GPATCH2: variants seen among roughly 807,000 people sequenced by gnomAD.
The protein encoded by GPATCH2 is G-patch domain containing 2, also known as G patch domain-containing protein 2.
In GPATCH2, 51 loss-of-function variants were observed where a neutral mutation model predicts 58.0. The observed-to-expected ratio is 0.88, with a 90% CI of 0.70 to 1.11. GPATCH2 has a LOEUF of 1.11. Among genes scored for constraint, GPATCH2 ranks in the 50% most tolerant of loss-of-function variants. The pLI is 0.00. For synonymous variants in GPATCH2, 222 were observed against 218.5 expected, an observed-to-expected ratio of 1.02 and a Z score of -0.14; for missense variants, 625 against 652.2, an observed-to-expected ratio of 0.96 and a Z score of 0.45.
chr1:217,495,081 G>A (rs1416609639), intron 7 of GPATCH2: 10 of 696,226 alleles, frequency 1.4e-5, no homozygotes, highest in Non-Finnish European at 1.8e-5. Context: ...GTGACCTGCA[G>A]ATGTATATTA....
chr1:217,591,360 C>T lies in GPATCH2; in HGVS notation c.1098+18961G>A, dbSNP rs151338641. Reference sequence around the variant, plus strand: ...GACCTGTTTAAAAACATTCGTTTTGCTTGAAAATAGTAAAATTTCCCTGGT... The same window carrying T: ...GACCTGTTTAAAAACATTCGTTTTGTTTGAAAATAGTAAAATTTCCCTGGT... On this transcript the variant is annotated intron_variant, in intron 5 of 9. Coordinates refer to ENST00000366935, the MANE Select transcript of GPATCH2 (RefSeq NM_018040.5). Among the ~76,000 whole-genome samples, 952 of 151,962 alleles carry T rather than the reference C, an allele frequency of 6.3e-3. 8 individuals are homozygous for T. Among genetic ancestry groups the T allele is most frequent in the African/African-American group, 0.022 (898 of 41,490 alleles).
intron 6 of GPATCH2, 109 bp from the exon 7 acceptor site, chr1:217,498,504 T>A: frequency 1.3e-6 from 1 of 793,258 alleles, no homozygotes; most frequent in Non-Finnish European, 2.2e-6. Flanking sequence ...AACACAGCCT[T>A]AAATATGCTT....
At position 217,592,001 on chromosome 1, in the gene GPATCH2, C is replaced by T. The variant is rs1400497565; in HGVS notation, c.1098+18320G>A. Among the ~76,000 whole-genome samples the T allele has an allele frequency of 7.0e-5, 6 of 85,828 alleles. 1 individual carries two copies. In the South Asian group the frequency reaches 2.2e-3, roughly 31 times the overall value. 56.3% of individuals were successfully genotyped at this position (85,828 alleles called of 152,430 possible). On this transcript the variant is annotated intron_variant, in intron 5 of 9. Coordinates refer to ENST00000366935, the MANE Select transcript of GPATCH2 (RefSeq NM_018040.5). ...GTAATATATTTTATATTAAAGACTTCGTATATCAAAAAAAATGAACAAGTT... is the reference window on the plus strand; with the variant it reads ...GTAATATATTTTATATTAAAGACTTTGTATATCAAAAAAAATGAACAAGTT...
intron 1 of GPATCH2, among the ~76,000 whole-genome samples, chr1:217,624,990 G>T (rs896709299): frequency 2.0e-5 from 3 of 152,196 alleles, no homozygotes; most frequent in Non-Finnish European, 4.4e-5. Context: ...TGGATTTTAT[G>T]AAAGGAAATG....
chr1:217,551,494 G>C (rs1665357324), intron 5 of GPATCH2, among the ~76,000 whole-genome samples: 1 of 152,014 alleles, frequency 6.6e-6, no homozygotes, highest in Non-Finnish European at 1.5e-5. Flanking sequence ...TAGTACAGTT[G>C]AATACCACCC....
At chr1:217,513,387 A>G (rs1036760996) in intron 6 of GPATCH2, among the ~76,000 whole-genome samples, 1 of 152,140 alleles carries the variant, frequency 6.6e-6, no homozygotes, top group African/African-American at 2.4e-5. Flanking sequence ...TTATGATATC[A>G]TTTTGCTATA....
At chr1:217,509,416 TC>T (rs1662730178) in intron 6 of GPATCH2, among the ~76,000 whole-genome samples, 1 of 152,152 alleles carries the variant, frequency 6.6e-6, no homozygotes. Context: ...CCTCACCCGC[TC>T]CCAGTAAAAT....
chr1:217,625,535 C>T (rs184566720), intron 1 of GPATCH2, among the ~76,000 whole-genome samples: 15 of 152,012 alleles, frequency 9.9e-5, no homozygotes, highest in Middle Eastern at 3.4e-3. Flanking sequence ...CTTTTTGAAG[C>T]CTCTGTTACC....
At chr1:217,577,498 T>C (rs1666860140) in intron 5 of GPATCH2, among the ~76,000 whole-genome samples, 1 of 152,190 alleles carries the variant, frequency 6.6e-6, no homozygotes, top group South Asian at 2.1e-4. Flanking sequence ...TGAGGTTAAA[T>C]GAGCATGTTT....
chr1:217,441,044 C>G (rs1197074405), intron 9 of GPATCH2, among the ~76,000 whole-genome samples: 6 of 152,100 alleles, frequency 3.9e-5, no homozygotes. Flanking sequence ...GCCCACATAT[C>G]CAAGACAATC....
intron 8 of GPATCH2, among the ~76,000 whole-genome samples, chr1:217,460,678 A>G (rs180983452): frequency 1.3e-5 from 2 of 152,358 alleles, no homozygotes; most frequent in East Asian, 3.9e-4. Context: ...ATCAAGTTTT[A>G]GTAAATTCTA....
rs183726951 is a variant in GPATCH2, at chr1:217,628,717, C to G, written c.56+2199G>C. Among the ~76,000 whole-genome samples, 1,223 of 146,100 alleles carry G rather than the reference C, an allele frequency of 8.4e-3. 19 individuals carry two copies. Among genetic ancestry groups the G allele is most frequent in the African/African-American group, 0.029 (1,145 of 39,788 alleles). On this transcript the variant is annotated intron_variant, in intron 1 of 9. Transcript: ENST00000366935. ...AAAAAAAGAATACCATAGTTGAATACAGAAATTATCCACATTTACCCATTT... is the reference window on the plus strand; with the variant it reads ...AAAAAAAGAATACCATAGTTGAATAGAGAAATTATCCACATTTACCCATTT...
rs1333793705 is a variant in GPATCH2 at position 217,430,341 on chromosome 1, G to A, written c.*804C>T. 1 of 151,936 alleles carries A rather than the reference G, an allele frequency of 6.6e-6. No individual in the cohort carries two copies. The highest frequency in any genetic ancestry group is 1.5e-5 in the Non-Finnish European group (1 of 67,994). 9.4% of individuals were successfully genotyped at this position (151,936 alleles called of 1,614,324 possible). Reference sequence around the variant, plus strand: ...ATCTTAAAAATAATATCAATCTTTGGGAAAACAGAGGTAGAAGTACATCTG... The same window carrying A: ...ATCTTAAAAATAATATCAATCTTTGAGAAAACAGAGGTAGAAGTACATCTG... On this transcript the variant is annotated 3_prime_UTR_variant, in exon 10 of 10. Transcript: ENST00000366935.
chr1:217,531,628 T>C (rs148285862), intron 5 of GPATCH2, among the ~76,000 whole-genome samples: 267 of 152,340 alleles, frequency 1.8e-3, no homozygotes, highest in Non-Finnish European at 3.1e-3. Context: ...GAGTGGTTCA[T>C]AATTTTTAAA....
chr1:217,587,805 C>G (rs74142487), intron 5 of GPATCH2, among the ~76,000 whole-genome samples: 1 of 151,888 alleles, frequency 6.6e-6, no homozygotes, highest in Admixed American at 6.6e-5. Flanking sequence ...TTCAGTAGGA[C>G]GACTAAAATA....
chr1:217,494,985 C>T (rs1415555966), intron 7 of GPATCH2: 4 of 223,682 alleles, frequency 1.8e-5, no homozygotes, highest in Non-Finnish European at 3.0e-5. Context: ...AAAAACAGAA[C>T]TTGTGAATAT....
intron 5 of GPATCH2, among the ~76,000 whole-genome samples, chr1:217,572,419 T>C (rs2102721342): frequency 6.6e-6 from 1 of 152,270 alleles, no homozygotes; most frequent in Admixed American, 6.5e-5. Context: ...CAAAGGCAAA[T>C]ATATACATTG....
intron 9 of GPATCH2, among the ~76,000 whole-genome samples, chr1:217,437,678 T>C (rs984531823): frequency 1.3e-5 from 2 of 152,198 alleles, no homozygotes; most frequent in Non-Finnish European, 2.9e-5. Flanking sequence ...AGACTGCCTC[T>C]CTAGATTCCT....
chr1:217,511,400 G>A (rs996630395), intron 6 of GPATCH2, among the ~76,000 whole-genome samples: 7 of 152,152 alleles, frequency 4.6e-5, no homozygotes, highest in Non-Finnish European at 8.8e-5. Context: ...ATGGAAGCAA[G>A]GGATTTGAAA....
Sources: allele counts gnomAD v4.1 joint callset (sites outside exome capture counted in the v4.1 genomes callset), GRCh38; gene constraint gnomAD v4.1.1; transcripts MANE v1.5; gene names NCBI Gene and HGNC (gene_info 2026-07-23, HGNC 2026-07-21).